The following ZMIZ1 variants were observed in gnomAD, a reference collection of about 807,000 sequenced individuals.
The protein encoded by ZMIZ1 is zinc finger MIZ domain-containing protein 1.
A neutral mutation model predicts 113.9 loss-of-function variants in ZMIZ1; 17 were observed. That is an observed-to-expected ratio of 0.15 (90% CI 0.10 to 0.22). The LOEUF (loss-of-function observed/expected upper bound fraction) is 0.22, where lower values mean the gene tolerates loss of function less well. ZMIZ1 is among the 10% of genes least tolerant of loss of function. The pLI is 1.00. For missense variants in ZMIZ1, 1,059 were observed against 1,477.8 expected (o/e 0.72, Z 4.65); for synonymous variants, 607 against 603.1 (o/e 1.01, Z -0.09).
chr10:79,279,747 G>A (rs187381145), intron 8 of ZMIZ1, among the ~76,000 whole-genome samples: 11 of 152,322 alleles, frequency 7.2e-5, no homozygotes, highest in South Asian at 4.1e-4. Context: ...GATCACTCAC[G>A]GTCAGGAGCT....
At chr10:79,105,713 A>G (rs1187544570) in intron 1 of ZMIZ1, among the ~76,000 whole-genome samples, 2 of 152,230 alleles carry the variant, frequency 1.3e-5, no homozygotes, top group African/African-American at 4.8e-5. Flanking sequence ...TTTAACTTCT[A>G]TCCTTGGTGA....
Position 79,312,933 on chromosome 10 carries a change from ACCAGG to A in ZMIZ1, c.*185_*189del, listed in dbSNP as rs201108326. 6.5e-3 allele frequency: 3,946 copies of A among 602,862 alleles called. 131 individuals are homozygous for A. In the African/African-American group the frequency reaches 0.067, roughly 10 times the overall value. 37.3% of individuals were successfully genotyped at this position (602,862 alleles called of 1,614,324 possible). On this transcript the variant is annotated 3_prime_UTR_variant, in exon 25 of 25. Transcript: ENST00000334512. Reference sequence around the variant, plus strand: ...AGGGGTAGGGAGGGTGCACCAGTGCACCAGGAAGGCTGTGTGGGTCTGGAGCCCAC... The same window carrying A: ...AGGGGTAGGGAGGGTGCACCAGTGCAAAGGCTGTGTGGGTCTGGAGCCCAC...
rs1316055848 is a variant in ZMIZ1 at position 79,311,099 on chromosome 10, G to A, written c.3011G>A (p.Ser1004Asn). 1.2e-6 allele frequency: 2 copies of A among 1,613,660 alleles called. No individual in the cohort carries two copies. Among genetic ancestry groups the A allele is most frequent in the South Asian group, 1.1e-5 (1 of 91,086 alleles). Reference protein sequence around the residue: ...PQAAPSSHPHSDLTFNPSSAL... With the variant: ...PQAAPSSHPHNDLTFNPSSAL... ...GCCGCTCCCAGCAGCCATCCACACA[G>A]CGACCTGACCTTTAACCCCTCCTCA... Residue 1004 changes from serine (S) to asparagine (N), a missense_variant, in exon 24 of 25, where the codon AGC becomes AAC. Ser to Asn is a conservative substitution (Grantham distance 46). Transcript: ENST00000334512.
In ZMIZ1 at chr10:79,184,009, G is replaced by C. The variant is rs143061888; in HGVS notation, c.-49-17575G>C. On this transcript the variant is annotated intron_variant, in intron 4 of 24. Coordinates refer to ENST00000334512, the MANE Select transcript of ZMIZ1 (RefSeq NM_020338.4). ...CTTCATAGGGTTGTTTAAAGGAGAT[G>C]AAGGGTGCAATATCAGACCCTCAGG... Among the ~76,000 whole-genome samples, 257 of 152,344 alleles carry C rather than the reference G, an allele frequency of 1.7e-3. 1 individual carries two copies. The highest frequency in any genetic ancestry group is 6.8e-3 in the Middle Eastern group (2 of 294).
intron 4 of ZMIZ1, among the ~76,000 whole-genome samples, chr10:79,170,278 A>T (rs543111216): frequency 1.2e-4 from 19 of 152,334 alleles, no homozygotes; most frequent in African/African-American, 3.6e-4. Flanking sequence ...CTGATAAACC[A>T]GGGGTTTAGA....
chr10:79,108,884 G>A (rs922541123), intron 1 of ZMIZ1, among the ~76,000 whole-genome samples: 4 of 151,988 alleles, frequency 2.6e-5, no homozygotes, highest in Admixed American at 2.0e-4. Flanking sequence ...GACCACCACC[G>A]AGGCCCCTGT....
chr10:79,156,699 T>G (rs1845914516), intron 3 of ZMIZ1, among the ~76,000 whole-genome samples: 1 of 152,224 alleles, frequency 6.6e-6, no homozygotes, highest in African/African-American at 2.4e-5. Flanking sequence ...ACAGGATGAT[T>G]GAACCAAGCG....
At chr10:79,310,618 G>C (rs1010251092) in intron 23 of ZMIZ1, among the ~76,000 whole-genome samples, 7 of 152,014 alleles carry the variant, frequency 4.6e-5, no homozygotes, top group African/African-American at 1.7e-4. Context: ...GGGAGGTGGA[G>C]GGGCCTGGGG....
rs1055763660 is a variant in ZMIZ1 at position 79,302,138 on chromosome 10, G to A, written c.2051G>A (p.Arg684Gln). 10 of 1,613,882 alleles carry A rather than the reference G, an allele frequency of 6.2e-6. No homozygotes were observed. The Admixed American group carries it at 8.3e-5, about 13-fold the overall frequency. The change falls in exon 18 of 25, where the codon CGG (arginine) becomes CAG (glutamine). Residue 684 changes from arginine (R) to glutamine (Q), a missense_variant. Arg to Gln is a conservative substitution (Grantham distance 43). This residue lies in a region of ZMIZ1 where 217 missense variants were observed against 426.9 expected (regional missense o/e 0.51). Transcript: ENST00000334512. ...CTCTTCGTGCTGCAGCTGGTACACC[G>A]GCCCTCCGTCCGCTCTGTGCTGCAA... ...SHLFVLQLVH[R>Q]PSVRSVLQGL...
intron 3 of ZMIZ1, among the ~76,000 whole-genome samples, chr10:79,158,981 C>G (rs1237953550): frequency 2.0e-5 from 3 of 152,220 alleles, no homozygotes; most frequent in South Asian, 2.1e-4. Context: ...GGCACGCTGC[C>G]CTTTCTGGCC....
chr10:79,292,844 A>G (rs1321430694), intron 11 of ZMIZ1: 1 of 462,128 alleles, frequency 2.2e-6, no homozygotes, highest in East Asian at 6.8e-5. Flanking sequence ...GGGAGCCCCC[A>G]TAGGAATGCA....
chr10:79,233,194 A>C lies in ZMIZ1; in HGVS notation c.280+16920A>C, dbSNP rs186790793. Among the ~76,000 whole-genome samples the C allele has an allele frequency of 8.5e-5, 13 of 152,336 alleles. No individual in the cohort carries two copies. The South Asian group carries it at 1.0e-3, about 12-fold the overall frequency. ...TTGGTTCCCAGGGCTGGGCCTTCCC[A>C]CTGTGCCTCTCAGAATACTGCCTGC... On this transcript the variant is annotated intron_variant, in intron 7 of 24. Transcript: ENST00000334512.
At chr10:79,106,849 T>C (rs1843578037) in intron 1 of ZMIZ1, among the ~76,000 whole-genome samples, 1 of 152,222 alleles carries the variant, frequency 6.6e-6, no homozygotes, top group South Asian at 2.1e-4. Context: ...ACTACAGGCA[T>C]CGTGCAGGTG....
chr10:79,197,587 C>A (rs117580116), intron 4 of ZMIZ1, among the ~76,000 whole-genome samples: 15 of 143,306 alleles, frequency 1.0e-4, no homozygotes, highest in Non-Finnish European at 2.0e-4. Flanking sequence ...CCCTGCCAAC[C>A]CAGACCATAC....
rs750790567 is a variant in ZMIZ1 at position 79,312,762 on chromosome 10, CG to C, written c.*17del. The stretch of plus-strand genomic sequence containing the variant: ...TGAGAACAACTGAGGGCCACCCGGT[CG>C]GGGCCATCCCTCCACACTCTGCATC... On this transcript the variant is annotated 3_prime_UTR_variant, in exon 25 of 25. Coordinates refer to ENST00000334512, the MANE Select transcript of ZMIZ1 (RefSeq NM_020338.4). The C allele has an allele frequency of 2.4e-5, 39 of 1,611,138 alleles. No individual in the cohort carries two copies. Among genetic ancestry groups the C allele is most frequent in the African/African-American group, 1.3e-5 (1 of 74,890 alleles).
At chr10:79,133,710 C>T (rs1228320748) in intron 2 of ZMIZ1, among the ~76,000 whole-genome samples, 3 of 152,208 alleles carry the variant, frequency 2.0e-5, no homozygotes, top group Non-Finnish European at 4.4e-5. Context: ...GCTCCCTCTC[C>T]TCCCAGGGCC....
At chr10:79,211,754 C>T (rs1564527922) in intron 6 of ZMIZ1, among the ~76,000 whole-genome samples, 1 of 152,236 alleles carries the variant, frequency 6.6e-6, no homozygotes, top group Non-Finnish European at 1.5e-5. Context: ...CCCGGGCCAC[C>T]ACTTCCTCAT....
chr10:79,141,627 C>T (rs1438718510), intron 3 of ZMIZ1, among the ~76,000 whole-genome samples: 1 of 152,136 alleles, frequency 6.6e-6, no homozygotes, highest in Non-Finnish European at 1.5e-5. Context: ...AGGCTGGTCT[C>T]GAACTCCTGG....
intron 7 of ZMIZ1, among the ~76,000 whole-genome samples, chr10:79,228,746 G>T (rs1390932277): frequency 6.6e-6 from 1 of 152,208 alleles, no homozygotes; most frequent in Non-Finnish European, 1.5e-5. Context: ...CTAGCTTCTG[G>T]TATGGGGCTA....
Sources: allele counts gnomAD v4.1 joint callset (sites outside exome capture counted in the v4.1 genomes callset), GRCh38; gene constraint gnomAD v4.1.1; regional missense constraint gnomAD v4.1.1; transcripts MANE v1.5; gene names NCBI Gene and HGNC (gene_info 2026-07-23, HGNC 2026-07-21).